TMED3: variants seen among roughly 807,000 people sequenced by gnomAD.
TMED3 encodes transmembrane emp24 domain-containing protein 3.
Under a neutral mutation model 15.0 loss-of-function variants are expected in TMED3, and 9 were observed. That is an observed-to-expected ratio of 0.60 (90% CI 0.36 to 1.04). The LOEUF (loss-of-function observed/expected upper bound fraction) is 1.04. Ranked by LOEUF, TMED3 falls within the 50% of genes least tolerant of loss-of-function variation. TMED3 has a pLI of 0.01. For synonymous variants in TMED3, 117 were observed against 121.4 expected, an observed-to-expected ratio of 0.96 and a Z score of 0.24; for missense variants, 267 against 278.9, an observed-to-expected ratio of 0.96 and a Z score of 0.30.
chr15:79,377,297 T>TGAGA (rs911394704), intron 2 of TMED3, among the ~76,000 whole-genome samples: 1 of 99,454 alleles, frequency 1.0e-5, no homozygotes, highest in Admixed American at 9.6e-5. Context: ...TGTGTGTGTG[T>TGAGA]GAGAGAGAGA....
At chr15:79,349,784 A>G (rs1412174357) in intron 2 of TMED3, among the ~76,000 whole-genome samples, 1 of 152,146 alleles carries the variant, frequency 6.6e-6, no homozygotes, top group Admixed American at 6.5e-5. Context: ...GGCCAGGGCA[A>G]CAGCTGTTCT....
In TMED3 at chr15:79,314,029, G is replaced by A. The variant is rs545713007; in HGVS notation, c.417+24G>A. 3.5e-5 allele frequency: 57 copies of A among 1,613,258 alleles called. No individual in the cohort carries two copies. The South Asian group carries it at 6.3e-4, about 18-fold the overall frequency. On this transcript the variant is annotated intron_variant, in intron 2 of 2. Coordinates refer to ENST00000299705, the MANE Select transcript of TMED3 (RefSeq NM_007364.4). The stretch of plus-strand genomic sequence containing the variant: ...AGGTGAGTGAACATTAGCAGTTCGG[G>A]GCTGCTGAACCCCCTAGCGTGTTCC...
chr15:79,331,709 AAAAT>A (rs1264814824), intron 2 of TMED3, among the ~76,000 whole-genome samples: 1 of 152,236 alleles, frequency 6.6e-6, no homozygotes. Context: ...TCAAAGATAA[AAAAT>A]AAATCCAATT....
At chr15:79,327,567 C>T (rs139456619), downstream of TMED3, among the ~76,000 whole-genome samples, 20 of 152,272 alleles carry the variant, frequency 1.3e-4, no homozygotes, top group African/African-American at 4.3e-4. Flanking sequence ...TTCTTCCAGC[C>T]CTGCTGTTTG....
At chr15:79,380,578 GTT>G (rs1253182221) in intron 2 of TMED3, among the ~76,000 whole-genome samples, 4,790 of 137,834 alleles carry the variant, frequency 0.035, 251 homozygotes, top group African/African-American at 0.12. Context: ...CATATATATA[GTT>G]TTATATATAT....
At chr15:79,392,118 C>T (rs28858535) in intron 2 of TMED3, among the ~76,000 whole-genome samples, 1,534 of 152,264 alleles carry the variant, frequency 0.01, 26 homozygotes, top group African/African-American at 0.034. Context: ...CCATTCCACT[C>T]ATCATGCTAT....
At chr15:79,365,941 A>T (rs1893221971) in intron 2 of TMED3, among the ~76,000 whole-genome samples, 1 of 152,226 alleles carries the variant, frequency 6.6e-6, no homozygotes, top group Non-Finnish European at 1.5e-5. Flanking sequence ...GACATATGTT[A>T]AGATGTTATC....
chr15:79,401,658 G>A (rs751848109), intron 2 of TMED3, among the ~76,000 whole-genome samples: 13 of 152,128 alleles, frequency 8.5e-5, no homozygotes, highest in African/African-American at 3.1e-4. Flanking sequence ...GAGGAAAAAC[G>A]AAGAACAGTG....
chr15:79,338,215 G>T (rs2058834242), intron 2 of TMED3, among the ~76,000 whole-genome samples: 1 of 152,148 alleles, frequency 6.6e-6, no homozygotes, highest in African/African-American at 2.4e-5. Flanking sequence ...TTGGGATGGG[G>T]TACAAAGGAG....
chr15:79,407,365 CT>C (rs1284484594), intron 2 of TMED3, among the ~76,000 whole-genome samples: 3 of 152,218 alleles, frequency 2.0e-5, no homozygotes, highest in African/African-American at 7.2e-5. Context: ...CTTTGAGATA[CT>C]GGGGCATTTG....
At position 79,320,224 on chromosome 15, in the gene TMED3, G is replaced by A. The variant is rs190482530; in HGVS notation, c.418-1754G>A. On this transcript the variant is annotated intron_variant, in intron 2 of 2. Transcript: ENST00000299705. ...CCTGTCCAGGCATAACAGAAGGCTCGCACTCTTGTCTTCTGGTCACTTCTC... is the reference window on the plus strand; with the variant it reads ...CCTGTCCAGGCATAACAGAAGGCTCACACTCTTGTCTTCTGGTCACTTCTC... 6.0e-4 allele frequency among the ~76,000 whole-genome samples: 92 copies of A among 152,294 alleles called. No individual in the cohort carries two copies. In the East Asian group the frequency reaches 0.013, roughly 21 times the overall value.
chr15:79,321,035 GT>G (rs1434973158), intron 2 of TMED3, among the ~76,000 whole-genome samples: 1 of 152,178 alleles, frequency 6.6e-6, no homozygotes, highest in Non-Finnish European at 1.5e-5. Flanking sequence ...CTGGCAAGTG[GT>G]CACCTCCACC....
rs564370456 is a variant in TMED3 at position 79,366,812 on chromosome 15, G to A, written c.418-44588G>A. ...ACGGTGAATGTCTTATTAGCTGTGT[G>A]ACTTTGAGGAAGGAGTTGGACTCTT... On this transcript the variant is annotated intron_variant, in intron 2 of 2. Coordinates refer to the TMED3 transcript ENST00000424155. 1.4e-4 allele frequency among the ~76,000 whole-genome samples: 22 copies of A among 152,344 alleles called. 1 individual carries two copies. Among genetic ancestry groups the A allele is most frequent in the South Asian group, 8.3e-4 (4 of 4,832 alleles).
At position 79,311,133 on chromosome 15, in the gene TMED3, C is replaced by T. The variant is rs903878761; in HGVS notation, c.-117C>T. 9.2e-6 allele frequency: 11 copies of T among 1,199,842 alleles called. No homozygotes were observed. The highest frequency in any genetic ancestry group is 5.9e-5 in the East Asian group (2 of 33,848). The allele number at this position is 1,199,842 out of a possible 1,614,324, so 74.3% of individuals were successfully genotyped here. ...CGGCCCTCCCGGAAGCGCAGAGCTC[C>T]GCTGGTGCCACGTCTATCCCCTTAC... On this transcript the variant is annotated 5_prime_UTR_variant, in exon 1 of 3. Transcript: ENST00000299705.
chr15:79,407,170 A>G (rs959154928), intron 2 of TMED3, among the ~76,000 whole-genome samples: 1 of 152,154 alleles, frequency 6.6e-6, no homozygotes, highest in Non-Finnish European at 1.5e-5. Flanking sequence ...CAGTGTCTCA[A>G]CTTCATTTGC....
chr15:79,322,846 G>A (rs1338089737), downstream of TMED3: 2 of 985,414 alleles, frequency 2.0e-6, no homozygotes, highest in Non-Finnish European at 2.4e-6. Context: ...GCGTCCTGGA[G>A]ACTTGTGCCT....
chr15:79,368,402 T>G (rs1419680731), intron 2 of TMED3, among the ~76,000 whole-genome samples: 1 of 152,148 alleles, frequency 6.6e-6, no homozygotes, highest in African/African-American at 2.4e-5. Context: ...GAGAACTCCT[T>G]TAGTGAAAAA....
At position 79,317,078 on chromosome 15, in the gene TMED3, G is replaced by A. The variant is rs1009505392; in HGVS notation, c.417+3073G>A. ...AGCGTCTGTGCAAGGTCCTGAAGGC[G>A]TCTGCAGGTGTTAGTTGCCAAGAAA... On this transcript the variant is annotated intron_variant, in intron 2 of 2. Coordinates refer to ENST00000299705, the MANE Select transcript of TMED3 (RefSeq NM_007364.4). Among the ~76,000 whole-genome samples, 5 of 152,172 alleles carry A rather than the reference G, an allele frequency of 3.3e-5. No individual in the cohort carries two copies. The South Asian group carries it at 8.3e-4, about 25-fold the overall frequency.
chr15:79,374,607 A>G (rs1234264945), intron 2 of TMED3, among the ~76,000 whole-genome samples: 1 of 152,232 alleles, frequency 6.6e-6, no homozygotes, highest in Admixed American at 6.5e-5. Context: ...TAAAGTCAAG[A>G]TGGAAACTGA....
Sources: gnomAD v4.1 joint callset for allele counts (sites outside exome capture counted in the v4.1 genomes callset) on GRCh38, gnomAD v4.1.1 for gene constraint, MANE v1.5 for transcripts, NCBI Gene and HGNC (gene_info 2026-07-23, HGNC 2026-07-21) for gene names.